The following SLC44A3 variants were observed in gnomAD, a reference collection of about 807,000 sequenced individuals.
SLC44A3 encodes choline transporter-like protein 3.
Under a neutral mutation model 75.4 loss-of-function variants are expected in SLC44A3, and 74 were observed. The observed-to-expected ratio is 0.98, with a 90% CI of 0.81 to 1.19. SLC44A3 has a LOEUF of 1.19. Ranked by LOEUF, SLC44A3 falls within the 50% of genes most tolerant of loss-of-function variation. The pLI is 0.00. For synonymous variants in SLC44A3, 310 were observed against 296.9 expected, an observed-to-expected ratio of 1.04 and a Z score of -0.45; for missense variants, 700 against 778.6, an observed-to-expected ratio of 0.90 and a Z score of 1.20.
At chr1:94,859,042 A>G (rs1666254227) in intron 10 of SLC44A3, among the ~76,000 whole-genome samples, 1 of 152,116 alleles carries the variant, frequency 6.6e-6, no homozygotes, top group Non-Finnish European at 1.5e-5. Context: ...CCATCATTAG[A>G]GACTCCAGAG....
Position 94,860,073 on chromosome 1 carries a change from T to C in SLC44A3, c.1238+2573T>C, listed in dbSNP as rs75975499. On this transcript the variant is annotated intron_variant, in intron 10 of 14. Transcript: ENST00000271227. ...ACCAGTGATTATTAAACATGATGAA[T>C]GCCTCTAAGTGAAAGAAGAGATCAA... Among the ~76,000 whole-genome samples, 1,105 of 152,302 alleles carry C rather than the reference T, an allele frequency of 7.3e-3. 12 individuals carry two copies. Among genetic ancestry groups the C allele is most frequent in the African/African-American group, 0.026 (1,061 of 41,556 alleles).
intron 14 of SLC44A3, among the ~76,000 whole-genome samples, chr1:94,892,874 A>G (rs1670374254): frequency 6.6e-6 from 1 of 152,158 alleles, no homozygotes. Context: ...CTAGAAGTTT[A>G]ACAGTTGATC....
intron 12 of SLC44A3, among the ~76,000 whole-genome samples, chr1:94,884,672 T>C (rs930801073): frequency 2.6e-5 from 4 of 152,124 alleles, no homozygotes; most frequent in Non-Finnish European, 4.4e-5. Context: ...GTTTACCTTT[T>C]TGAAGAGTCG....
At chr1:94,892,145 TTC>T in intron 13 of SLC44A3, 134 bp from the exon 14 acceptor site, 1 of 823,194 alleles carries the variant, frequency 1.2e-6, no homozygotes, top group Non-Finnish European at 1.9e-6. Flanking sequence ...CTGCCAAAAT[TTC>T]TGACAAGCAT....
At chr1:94,838,003 A>C (rs1663050984) in intron 6 of SLC44A3, 132 bp downstream of exon 6, 5 of 923,354 alleles carry the variant, frequency 5.4e-6, no homozygotes, top group Non-Finnish European at 6.2e-6. Flanking sequence ...AGATATTTTC[A>C]GTGTTTCAGA....
At chr1:94,868,690 T>C (rs1432914141) in intron 12 of SLC44A3, among the ~76,000 whole-genome samples, 2 of 152,256 alleles carry the variant, frequency 1.3e-5, no homozygotes, top group African/African-American at 2.4e-5. Context: ...TGATAAAATA[T>C]ATATGCATGA....
At chr1:94,857,567 C>A in intron 10 of SLC44A3, 67 bp downstream of exon 10, 2 of 1,430,864 alleles carry the variant, frequency 1.4e-6, no homozygotes, top group Non-Finnish European at 1.9e-6. Context: ...ATGTTAATAT[C>A]TCAAAAGATA....
At chr1:94,870,529 G>A (rs1667642398) in intron 12 of SLC44A3, among the ~76,000 whole-genome samples, 2 of 152,210 alleles carry the variant, frequency 1.3e-5, no homozygotes, top group Admixed American at 6.5e-5. Context: ...AATTTCCTAG[G>A]AGAGGTGGAC....
At chr1:94,857,310 AG>A (rs1469714700) in intron 9 of SLC44A3, 24 bp from the exon 10 acceptor site, 1 of 1,573,338 alleles carries the variant, frequency 6.4e-7, no homozygotes, top group Admixed American at 1.9e-5. Context: ...ATTGGTGTAA[AG>A]CATGTTTGTG....
intron 9 of SLC44A3, among the ~76,000 whole-genome samples, chr1:94,853,107 G>T (rs963296545): frequency 6.6e-6 from 1 of 152,172 alleles, no homozygotes; most frequent in Admixed American, 6.5e-5. Context: ...ACTGTGCTTT[G>T]AGGCACTTCA....
At chr1:94,853,126 G>A (rs550205695) in intron 9 of SLC44A3, among the ~76,000 whole-genome samples, 1 of 152,244 alleles carries the variant, frequency 6.6e-6, no homozygotes, top group East Asian at 1.9e-4. Flanking sequence ...CAGGATGCCC[G>A]GGAGATGAGG....
At position 94,862,119 on chromosome 1, in the gene SLC44A3, G is replaced by A. The variant is rs528080743; in HGVS notation, c.1239-2624G>A. Reference sequence around the variant, plus strand: ...CTAATAAAGACGATTTTCATTTTCTGTAGAATAGGAAAGAAACATACAACC... The same window carrying A: ...CTAATAAAGACGATTTTCATTTTCTATAGAATAGGAAAGAAACATACAACC... On this transcript the variant is annotated intron_variant, in intron 10 of 14. Transcript: ENST00000271227. 3.3e-5 allele frequency among the ~76,000 whole-genome samples: 5 copies of A among 152,294 alleles called. No individual in the cohort carries two copies. In the South Asian group the frequency reaches 8.3e-4, roughly 25 times the overall value.
intron 9 of SLC44A3, among the ~76,000 whole-genome samples, chr1:94,848,194 A>T (rs1320721042): frequency 6.7e-6 from 1 of 149,538 alleles, no homozygotes; most frequent in Non-Finnish European, 1.5e-5. Context: ...ACACCACTGC[A>T]CTCCAGCATG....
intron 12 of SLC44A3, among the ~76,000 whole-genome samples, chr1:94,886,887 C>T (rs1669650828): frequency 6.6e-6 from 1 of 152,086 alleles, no homozygotes; most frequent in Non-Finnish European, 1.5e-5. Flanking sequence ...GGAATCCTTC[C>T]TCGTATCTGT....
chr1:94,833,359 C>T (rs1662384502), intron 5 of SLC44A3, among the ~76,000 whole-genome samples: 1 of 152,150 alleles, frequency 6.6e-6, no homozygotes, highest in African/African-American at 2.4e-5. Context: ...TGCATCTGTG[C>T]TCTGGCTGGT....
intron 5 of SLC44A3, among the ~76,000 whole-genome samples, chr1:94,836,238 A>G (rs969661426): frequency 6.6e-6 from 1 of 152,216 alleles, no homozygotes; most frequent in Non-Finnish European, 1.5e-5. Flanking sequence ...TATTTCCACC[A>G]TTTGGGGTTC....
chr1:94,834,717 T>C (rs530284562), intron 5 of SLC44A3, among the ~76,000 whole-genome samples: 1 of 152,202 alleles, frequency 6.6e-6, no homozygotes, highest in South Asian at 2.1e-4. Context: ...ACTCCTGACC[T>C]CAAGTGATCC....
At chr1:94,867,269 C>T in intron 11 of SLC44A3, 62 bp from the exon 12 acceptor site, 3 of 1,404,322 alleles carry the variant, frequency 2.1e-6, no homozygotes, top group East Asian at 2.5e-5. Context: ...TCAGAAACTG[C>T]CTGCTTTTCT....
intron 10 of SLC44A3, 126 bp from the exon 11 acceptor site, chr1:94,864,617 A>T (rs1011553470): frequency 2.1e-6 from 2 of 940,040 alleles, no homozygotes; most frequent in Non-Finnish European, 3.1e-6. Flanking sequence ...GAGTATAAAA[A>T]GTTCGCCAAA....
Sources: allele counts gnomAD v4.1 joint callset (sites outside exome capture counted in the v4.1 genomes callset), GRCh38; gene constraint gnomAD v4.1.1; transcripts MANE v1.5; gene names NCBI Gene and HGNC (gene_info 2026-07-23, HGNC 2026-07-21).